Variants in TF observed in about 807,000 individuals in gnomAD.
The protein encoded by TF is transferrin, also known as serotransferrin.
A neutral mutation model predicts 82.4 loss-of-function variants in TF; 55 were observed. The ratio of observed to expected loss-of-function variants is 0.67; its 90% confidence interval spans 0.54 to 0.84. The LOEUF is 0.84. Ranked by LOEUF, TF falls within the 40% of genes least tolerant of loss-of-function variation. The pLI, the probability that TF is intolerant of heterozygous loss-of-function variation, is 0.00. For synonymous variants in TF, 332 were observed against 332.6 expected (o/e 1.00, Z 0.02); for missense variants, 737 against 868.4 (o/e 0.85, Z 1.90).
At chr3:133,741,537 G>A (rs1235452557), upstream of TF, among the ~76,000 whole-genome samples, 1 of 152,174 alleles carries the variant, frequency 6.6e-6, no homozygotes, top group Non-Finnish European at 1.5e-5. Context: ...GCCACATTAA[G>A]TATGATTTCT....
chr3:133,694,875 TTTATTTATTTA>T, the TF span, among the ~76,000 whole-genome samples: 4,845 of 117,394 alleles, frequency 0.041, 91 homozygotes, highest in Non-Finnish European at 0.053. Flanking sequence ...TATTTATTTA[TTTATTTATTTA>T]TTATTATTAT....
At position 133,757,761 on chromosome 3, in the gene TF, A is replaced by G; in HGVS notation, c.871-8A>G. On this transcript the variant is annotated splice_region_variant and splice_polypyrimidine_tract_variant and intron_variant, in intron 7 of 16. Coordinates refer to ENST00000402696, the MANE Select transcript of TF (RefSeq NM_001063.4). ...TTGCCATCCACTATTCTGTTTTTCT[A>G]TGAACAGGAACATTTTGGCAAAGAC... 1 of 1,613,474 alleles carries G rather than the reference A, an allele frequency of 6.2e-7. No individual in the cohort carries two copies. The highest frequency in any genetic ancestry group is 8.5e-7 in the Non-Finnish European group (1 of 1,179,440).
At chr3:133,738,958 A>G in the TF span, among the ~76,000 whole-genome samples, 1 of 152,210 alleles carries the variant, frequency 6.6e-6, no homozygotes, top group Non-Finnish European at 1.5e-5. Context: ...AATTGGAAAA[A>G]ACTACTTTAA....
At chr3:133,734,096 CT>C in the TF span, among the ~76,000 whole-genome samples, 1 of 152,106 alleles carries the variant, frequency 6.6e-6, no homozygotes, top group Non-Finnish European at 1.5e-5. Flanking sequence ...GCTAGAATAT[CT>C]GCAGTGCTGT....
intron 15 of TF, among the ~76,000 whole-genome samples, chr3:133,776,642 A>T (rs1272226776): frequency 6.6e-6 from 1 of 152,076 alleles, no homozygotes; most frequent in African/African-American, 2.4e-5. Context: ...TTTAAGAACT[A>T]CCTCTGCCAC....
At chr3:133,708,811 G>A in the TF span, among the ~76,000 whole-genome samples, 35 of 150,420 alleles carry the variant, frequency 2.3e-4, no homozygotes, top group African/African-American at 8.3e-4. Context: ...TGCCAGCAAA[G>A]TCTTCTCTGA....
rs182383936 is a variant in TF, at chr3:133,769,117, A to G, written c.1622+953A>G. 2.0e-5 allele frequency among the ~76,000 whole-genome samples: 3 copies of G among 152,148 alleles called. No individual in the cohort carries two copies. The East Asian group carries it at 5.8e-4, about 29-fold the overall frequency. ...CTACCTTATTACTTTTTAACTACCC[A>G]TTCTGCTTTAGGCCTTCTGTTATTT... On this transcript the variant is annotated intron_variant, in intron 13 of 16. Coordinates refer to ENST00000402696, the MANE Select transcript of TF (RefSeq NM_001063.4).
chr3:133,682,925 G>C, the TF span, among the ~76,000 whole-genome samples: 1 of 152,098 alleles, frequency 6.6e-6, no homozygotes, highest in East Asian at 1.9e-4. Context: ...GTTGAAATGA[G>C]GGAAAAAATG....
the TF span, among the ~76,000 whole-genome samples, chr3:133,728,725 G>A: frequency 1.1e-3 from 170 of 152,250 alleles, 2 homozygotes; most frequent in East Asian, 0.025. Context: ...AGGAGGAGAG[G>A]CACTCTGCTT....
intron 14 of TF, among the ~76,000 whole-genome samples, chr3:133,772,562 T>C (rs1160637486): frequency 6.6e-6 from 1 of 152,250 alleles, no homozygotes; most frequent in Non-Finnish European, 1.5e-5. Flanking sequence ...ATACAATCCA[T>C]ATACAACTCA....
intron 2 of TF, among the ~76,000 whole-genome samples, chr3:133,753,068 T>A (rs533700908): frequency 6.7e-6 from 1 of 148,856 alleles, no homozygotes; most frequent in South Asian, 2.2e-4. Flanking sequence ...AGAAAAAAAA[T>A]CTCCACAGAA....
chr3:133,693,963 G>A, the TF span, among the ~76,000 whole-genome samples: 1 of 152,274 alleles, frequency 6.6e-6, no homozygotes, highest in East Asian at 1.9e-4. Context: ...ATTCCTGTGG[G>A]TTCCATCACC....
the TF span, among the ~76,000 whole-genome samples, chr3:133,713,148 G>A: frequency 6.6e-6 from 1 of 152,106 alleles, no homozygotes; most frequent in Non-Finnish European, 1.5e-5. Context: ...ATCACAGGGG[G>A]GACACCAGAC....
Position 133,794,005 on chromosome 3 carries a change from T to G in TF, c.*15385T>G, listed in dbSNP as rs1934907539. On this transcript the variant is annotated 3_prime_UTR_variant, in exon 17 of 17. Transcript: ENST00000402696. ...CTAAATCAGCTGATACTGAAACTGT[T>G]TAGATATAAAATTTGAATAAACTCC... 1 of 152,170 alleles carries G rather than the reference T, an allele frequency of 6.6e-6. No individual in the cohort carries two copies. The highest frequency in any genetic ancestry group is 2.4e-5 in the African/African-American group (1 of 41,450). The allele number at this position is 152,170 out of a possible 1,614,324, so 9.4% of individuals were successfully genotyped here.
chr3:133,786,264 A>G lies in TF; in HGVS notation c.*7644A>G, dbSNP rs1382089233. ...AACAATACTATTTTTTGAACTATCT[A>G]CCCTTTCTAGATGTTCTGAAATGCC... On this transcript the variant is annotated 3_prime_UTR_variant, in exon 17 of 17. Transcript: ENST00000402696. The G allele has an allele frequency of 6.6e-6, 1 of 151,398 alleles. No homozygotes were observed. The highest frequency in any genetic ancestry group is 1.5e-5 in the Non-Finnish European group (1 of 67,950). The allele number at this position is 151,398 out of a possible 1,614,324, so 9.4% of individuals were successfully genotyped here.
At chr3:133,725,825 C>T in the TF span, among the ~76,000 whole-genome samples, 37 of 151,954 alleles carry the variant, frequency 2.4e-4, no homozygotes, top group Middle Eastern at 3.4e-3. Flanking sequence ...TTTTGAGATA[C>T]GTCCCATCAA....
chr3:133,748,408 C>T lies in TF; in HGVS notation c.44-4C>T, dbSNP rs201126253. On this transcript the variant is annotated splice_region_variant and splice_polypyrimidine_tract_variant and intron_variant, in intron 1 of 16. Coordinates refer to ENST00000402696, the MANE Select transcript of TF (RefSeq NM_001063.4). ...CCCTTCCACCTCTGGCCTCTCTCCC[C>T]CAGGGCTGTGTCTGGCTGTCCCTGA... The T allele has an allele frequency of 1.9e-6, 3 of 1,614,066 alleles. No homozygotes were observed. Among genetic ancestry groups the T allele is most frequent in the Admixed American group, 3.3e-5 (2 of 60,020 alleles).
intron 14 of TF, among the ~76,000 whole-genome samples, chr3:133,771,743 C>CAAAAAAAAAAAAAAAAAAAAAAAAAAA (rs71136494): frequency 3.5e-5 from 2 of 56,548 alleles, no homozygotes; most frequent in Middle Eastern, 0.013. Context: ...GACTCCGTCT[C>CAAAAAAAAAAAAAAAAAAAAAAAAAAA]AAAAAAAAAA....
In TF at chr3:133,788,695, C is replaced by T. The variant is rs893159830; in HGVS notation, c.*10075C>T. On this transcript the variant is annotated 3_prime_UTR_variant, in exon 17 of 17. Coordinates refer to ENST00000402696, the MANE Select transcript of TF (RefSeq NM_001063.4). ...ACCCTTGGTGGGCAGCGCCTAAACACGGAGGCAACCGCAGGTTTCTGGGTG... is the reference window on the plus strand; with the variant it reads ...ACCCTTGGTGGGCAGCGCCTAAACATGGAGGCAACCGCAGGTTTCTGGGTG... 2 of 152,158 alleles carry T rather than the reference C, an allele frequency of 1.3e-5. No homozygotes were observed. The highest frequency in any genetic ancestry group is 2.1e-4 in the South Asian group (1 of 4,804). The allele number at this position is 152,158 out of a possible 1,614,324, so 9.4% of individuals were successfully genotyped here.
Sources: gnomAD v4.1 joint callset for allele counts (sites outside exome capture counted in the v4.1 genomes callset) on GRCh38, gnomAD v4.1.1 for gene constraint, MANE v1.5 for transcripts, NCBI Gene and HGNC (gene_info 2026-07-23, HGNC 2026-07-21) for gene names.